Variants in RAB11FIP3 observed in about 807,000 individuals in gnomAD.
RAB11FIP3 encodes the protein rab11 family-interacting protein 3.
In RAB11FIP3, 17 loss-of-function variants were observed where a neutral mutation model predicts 77.8. The observed-to-expected ratio is 0.22, with a 90% CI of 0.15 to 0.33. The LOEUF is 0.33. Among genes scored for constraint, RAB11FIP3 ranks in the 10% least tolerant of loss-of-function variants. The probability of loss-of-function intolerance (pLI) is 1.00; values close to 1 mark genes in which losing one functional copy is unlikely to be tolerated. For missense variants in RAB11FIP3, 1,005 were observed against 1,011.2 expected (o/e 0.99, Z 0.08); for synonymous variants, 437 against 448.2 (o/e 0.98, Z 0.31).
Position 519,017 on chromosome 16 carries a change from T to C in RAB11FIP3, c.1715T>C (p.Leu572Pro). The C allele has an allele frequency of 6.2e-7, 1 of 1,613,268 alleles. No homozygotes were observed. Among genetic ancestry groups the C allele is most frequent in the Non-Finnish European group, 8.5e-7 (1 of 1,179,978 alleles). The part of the protein sequence containing the change: ...TPCLKANIER[L>P]EEEKQKLLDE... Reference sequence around the variant, plus strand: ...TGTCTGAAGGCCAACATTGAGCGTCTGGAGGAGGTGAGCTGCCAACAGCCT... The same window carrying C: ...TGTCTGAAGGCCAACATTGAGCGTCCGGAGGAGGTGAGCTGCCAACAGCCT... The change falls in exon 10 of 14, where the codon CTG becomes CCG. Residue 572 changes from leucine to proline, a missense_variant. Leu to Pro is a moderately conservative substitution (Grantham distance 98). This residue lies in a region of RAB11FIP3 where 433 missense variants were observed against 436.1 expected (regional missense o/e 0.99). Transcript: ENST00000262305.
rs559598919 is a variant in RAB11FIP3, at chr16:514,497, A to G, written c.1640+3697A>G. 2.1e-3 allele frequency among the ~76,000 whole-genome samples: 327 copies of G among 152,332 alleles called. 5 individuals carry two copies. The highest frequency in any genetic ancestry group is 7.6e-3 in the African/African-American group (314 of 41,570). ...GAAAACAGCTGGATTTCAGGAGTGG[A>G]GCCTCAGTAGAGATGAGAGTTAAAG... On this transcript the variant is annotated intron_variant, in intron 9 of 13. Coordinates refer to ENST00000262305, the MANE Select transcript of RAB11FIP3 (RefSeq NM_014700.4). The surrounding 1 kb of genome is among the most constrained non-coding windows in gnomAD (Gnocchi z 4.6).
chr16:463,208 G>A (rs1359492465), intron 2 of RAB11FIP3, among the ~76,000 whole-genome samples: 1 of 151,982 alleles, frequency 6.6e-6, no homozygotes, highest in Non-Finnish European at 1.5e-5. Context: ...GGGTGACGGT[G>A]GCGGGTCCTT....
Position 471,510 on chromosome 16 carries a change from C to A in RAB11FIP3, c.903+121C>A. ...CGTAGAAGCTGGCGTGAAGGAAGGGCCTCCCGCCCTGTGTGCACCGTGGGG... is the reference window on the plus strand; with the variant it reads ...CGTAGAAGCTGGCGTGAAGGAAGGGACTCCCGCCCTGTGTGCACCGTGGGG... On this transcript the variant is annotated intron_variant, in intron 3 of 13. Coordinates refer to ENST00000262305, the MANE Select transcript of RAB11FIP3 (RefSeq NM_014700.4). This position sits in a 1 kb window ranked among gnomAD's most constrained non-coding sequence, Gnocchi z 4.4. 1 of 837,184 alleles carries A rather than the reference C, an allele frequency of 1.2e-6. No homozygotes were observed. Among genetic ancestry groups the A allele is most frequent in the South Asian group, 1.5e-5 (1 of 64,998 alleles). The allele number at this position is 837,184 out of a possible 1,614,324, so 51.9% of individuals were successfully genotyped here.
At chr16:467,438 GTCAGGGAGGAGGTGCAGGGGCC>G (rs2055721965) in intron 2 of RAB11FIP3, among the ~76,000 whole-genome samples, 1 of 148,108 alleles carries the variant, frequency 6.8e-6, no homozygotes, top group Non-Finnish European at 1.5e-5. Flanking sequence ...GTGCTGGGAC[GTCAGGGAGGAGGTGCAGGGGCC>G]TCAGGGAGGA....
intron 3 of RAB11FIP3, among the ~76,000 whole-genome samples, chr16:475,888 A>G (rs537923889): frequency 0.01 from 1,529 of 151,348 alleles, 35 homozygotes; most frequent in African/African-American, 0.035. Flanking sequence ...ATGGAGTCTC[A>G]CTCTGTCACC....
intron 3 of RAB11FIP3, among the ~76,000 whole-genome samples, chr16:476,082 C>T (rs150830250): frequency 0.025 from 3,736 of 152,276 alleles, 159 homozygotes; most frequent in African/African-American, 0.085. Context: ...TCTCGAACTC[C>T]TGGCCTCAAG....
intron 11 of RAB11FIP3, 101 bp from the exon 12 acceptor site, chr16:520,019 CGA>C: frequency 1.3e-6 from 2 of 1,523,114 alleles, no homozygotes; most frequent in Non-Finnish European, 1.8e-6. Flanking sequence ...GTCGTCCTCC[CGA>C]GAGACGGCCA....
At position 494,438 on chromosome 16, in the gene RAB11FIP3, C is replaced by T. The variant is rs899142970; in HGVS notation, c.1266-2386C>T. On this transcript the variant is annotated intron_variant, in intron 5 of 13. Coordinates refer to ENST00000262305, the MANE Select transcript of RAB11FIP3 (RefSeq NM_014700.4). ...GAGATCGAGACCATCCTGGCTAACA[C>T]GGTGAAACCCCATCTCTACTAAAAA... is the stretch of plus-strand genomic sequence containing the variant. Among the ~76,000 whole-genome samples the T allele has an allele frequency of 7.3e-4, 110 of 150,964 alleles. 1 individual carries two copies. Among genetic ancestry groups the T allele is most frequent in the African/African-American group, 2.5e-3 (104 of 41,208 alleles).
intron 3 of RAB11FIP3, among the ~76,000 whole-genome samples, chr16:475,919 C>T (rs772021108): frequency 2.0e-5 from 3 of 151,992 alleles, no homozygotes; most frequent in African/African-American, 4.8e-5. Context: ...TGCAGTGGTG[C>T]GATCTTGGCT....
In RAB11FIP3 at chr16:506,131, A is replaced by G. The variant is rs2031862894; in HGVS notation, c.1499+504A>G. Among the ~76,000 whole-genome samples, 1 of 152,136 alleles carries G rather than the reference A, an allele frequency of 6.6e-6. No individual in the cohort carries two copies. The highest frequency in any genetic ancestry group is 1.5e-5 in the Non-Finnish European group (1 of 68,028). ...CTGTGGGCAGGAGTGCTGGGGAGGAAGCGAAGTGTGACGCCGTGTTTGCAG... is the reference window on the plus strand; with the variant it reads ...CTGTGGGCAGGAGTGCTGGGGAGGAGGCGAAGTGTGACGCCGTGTTTGCAG... On this transcript the variant is annotated intron_variant, in intron 8 of 13. Transcript: ENST00000262305. This position sits in a 1 kb window ranked among gnomAD's most constrained non-coding sequence, Gnocchi z 4.5.
rs575194241 is a variant in RAB11FIP3, at chr16:515,496, G to C, written c.1641-3447G>C. On this transcript the variant is annotated intron_variant, in intron 9 of 13. Transcript: ENST00000262305. ...CAGCCACATGGCTGACACGGACCGG[G>C]GTTCGCATCTCGGAGCAGCCACACG... Among the ~76,000 whole-genome samples the C allele has an allele frequency of 6.0e-5, 9 of 150,022 alleles. 1 individual carries two copies. The East Asian group carries it at 1.6e-3, about 26-fold the overall frequency.
intron 1 of RAB11FIP3, among the ~76,000 whole-genome samples, chr16:429,587 C>T (rs893221718): frequency 5.3e-5 from 8 of 150,712 alleles, no homozygotes. Flanking sequence ...GCAACCTCTG[C>T]CTCCCGGGTT....
chr16:489,882 A>G (rs6600223), intron 5 of RAB11FIP3, among the ~76,000 whole-genome samples: 84,976 of 152,078 alleles, frequency 0.56, 24,019 homozygotes, highest in Middle Eastern at 0.65. Context: ...CTGCACGGAT[A>G]TCCTGTGTGC....
intron 9 of RAB11FIP3, among the ~76,000 whole-genome samples, chr16:515,333 G>A (rs1321362633): frequency 6.6e-6 from 1 of 152,238 alleles, no homozygotes; most frequent in African/African-American, 2.4e-5. Flanking sequence ...GGCGGAGAGT[G>A]GAACTTAGTA....
At chr16:435,782 TTAAG>T (rs1190024848) in intron 1 of RAB11FIP3, among the ~76,000 whole-genome samples, 3 of 151,938 alleles carry the variant, frequency 2.0e-5, no homozygotes, top group Non-Finnish European at 2.9e-5. Flanking sequence ...ATAAAAAAAT[TTAAG>T]TAAACCCTAA....
At chr16:441,772 C>G (rs2055231123) in intron 1 of RAB11FIP3, among the ~76,000 whole-genome samples, 1 of 152,218 alleles carries the variant, frequency 6.6e-6, no homozygotes, top group African/African-American at 2.4e-5. Flanking sequence ...GTGACTGATA[C>G]TTTTGATTTG....
Position 482,665 on chromosome 16 carries a change from G to A in RAB11FIP3, c.1044G>A (p.Ser348=), listed in dbSNP as rs759266629. The A allele has an allele frequency of 2.4e-5, 38 of 1,612,664 alleles. No homozygotes were observed. In the East Asian group the frequency reaches 3.8e-4, roughly 16 times the overall value. ...GGGACGCAGACAGTGCCGGCGGCTCGGCCGTGCCCTCTGAGTGCCTGGACG... is the reference window on the plus strand; with the variant it reads ...GGGACGCAGACAGTGCCGGCGGCTCAGCCGTGCCCTCTGAGTGCCTGGACG... ...PEGDADSAGG[S]AVPSECLDAM... Residue 348 remains serine, a synonymous_variant, in exon 4 of 14, where the codon TCG becomes TCA. Transcript: ENST00000262305.
chr16:470,609 A>G (rs1245895446), intron 2 of RAB11FIP3, among the ~76,000 whole-genome samples: 2 of 152,198 alleles, frequency 1.3e-5, no homozygotes, highest in South Asian at 4.1e-4. Flanking sequence ...AGGTGCTTTG[A>G]CCTGTGAATA....
intron 5 of RAB11FIP3, among the ~76,000 whole-genome samples, chr16:490,786 G>C (rs1426486573): frequency 6.6e-6 from 1 of 152,228 alleles, no homozygotes; most frequent in East Asian, 1.9e-4. Context: ...TGGCAAAAGA[G>C]AAAGCAGTAT....
Sources: allele counts gnomAD v4.1 joint callset (sites outside exome capture counted in the v4.1 genomes callset), GRCh38; gene constraint gnomAD v4.1.1; regional missense constraint gnomAD v4.1.1; non-coding constraint Gnocchi (gnomAD v3.1); transcripts MANE v1.5; gene names NCBI Gene and HGNC (gene_info 2026-07-23, HGNC 2026-07-21).